PLEKHA6: variants seen among roughly 807,000 people sequenced by gnomAD.
PLEKHA6 encodes pleckstrin homology domain containing A6.
Under a neutral mutation model 116.7 loss-of-function variants are expected in PLEKHA6, and 60 were observed. The observed-to-expected ratio is 0.51, with a 90% confidence interval of 0.42 to 0.64. PLEKHA6 has a LOEUF of 0.64. Among genes scored for constraint, PLEKHA6 ranks in the 30% least tolerant of loss-of-function variants. PLEKHA6 has a pLI of 0.00. For synonymous variants in PLEKHA6, 489 were observed against 556.1 expected, an observed-to-expected ratio of 0.88 and a Z score of 1.70; for missense variants, 1,338 against 1,422.7, an observed-to-expected ratio of 0.94 and a Z score of 0.96.
intron 1 of PLEKHA6, among the ~76,000 whole-genome samples, chr1:204,356,445 T>C (rs1673419141): frequency 6.6e-6 from 1 of 152,002 alleles, no homozygotes; most frequent in Non-Finnish European, 1.5e-5. Flanking sequence ...CATGCACCTG[T>C]AGACCCAGCC....
upstream of PLEKHA6, among the ~76,000 whole-genome samples, chr1:204,363,396 G>T (rs1673596270): frequency 6.6e-6 from 1 of 152,228 alleles, no homozygotes; most frequent in Non-Finnish European, 1.5e-5. Context: ...CCTGGAGGAA[G>T]CTTCCAGAAC....
chr1:204,349,691 TAGGCAA>T lies in PLEKHA6; in HGVS notation c.-95+9997_-95+10002del, dbSNP rs1673211346. ...CTCCAGGACTTGCTGCTTCTGGCCC[TAGGCAA>T]GTCATGAGACTTCTCAGTCTCGTTG... On this transcript the variant is annotated intron_variant, in intron 1 of 22. Coordinates refer to ENST00000272203, the MANE Select transcript of PLEKHA6 (RefSeq NM_014935.5). Among the ~76,000 whole-genome samples, 3 of 152,166 alleles carry T rather than the reference TAGGCAA, an allele frequency of 2.0e-5. No individual in the cohort carries two copies. In the South Asian group the frequency reaches 6.2e-4, roughly 32 times the overall value.
At position 204,261,479 on chromosome 1, in the gene PLEKHA6, C is replaced by T. The variant is rs1666108595; in HGVS notation, c.382-31G>A. The T allele has an allele frequency of 6.3e-7, 1 of 1,579,600 alleles. No individual in the cohort carries two copies. The highest frequency in any genetic ancestry group is 8.6e-7 in the Non-Finnish European group (1 of 1,161,608). On this transcript the variant is annotated intron_variant, in intron 6 of 22. Coordinates refer to ENST00000272203, the MANE Select transcript of PLEKHA6 (RefSeq NM_014935.5). The surrounding 1 kb of genome is among the most constrained non-coding windows in gnomAD (Gnocchi z 4.0). ...GGGAGAGGCAGCGTGTGGAGCTGGCCTCGGCCTCATCCACCCAGCACACAG... is the reference window on the plus strand; with the variant it reads ...GGGAGAGGCAGCGTGTGGAGCTGGCTTCGGCCTCATCCACCCAGCACACAG...
chr1:204,292,041 C>A (rs150428765), intron 1 of PLEKHA6, among the ~76,000 whole-genome samples: 61 of 152,282 alleles, frequency 4.0e-4, no homozygotes, highest in African/African-American at 1.4e-3. Flanking sequence ...TTCCTACTGA[C>A]CTGCTTTAGT....
intron 1 of PLEKHA6, among the ~76,000 whole-genome samples, chr1:204,292,790 T>C (rs571157514): frequency 6.6e-6 from 1 of 152,168 alleles, no homozygotes; most frequent in Non-Finnish European, 1.5e-5. Context: ...CTGATAGAAA[T>C]GAGGGATGCA....
At chr1:204,317,194 T>C (rs1427689481) in intron 1 of PLEKHA6, 14 of 935,736 alleles carry the variant, frequency 1.5e-5, no homozygotes, top group Non-Finnish European at 1.8e-5. Context: ...GAGTTAAGCA[T>C]AGGGTACTGC....
chr1:204,312,360 G>A (rs186723487), intron 1 of PLEKHA6, among the ~76,000 whole-genome samples: 1 of 152,144 alleles, frequency 6.6e-6, no homozygotes, highest in Non-Finnish European at 1.5e-5. Flanking sequence ...GGGTGTTCAG[G>A]CCTTCCTGGG....
At chr1:204,272,769 A>G (rs1421405900) in intron 3 of PLEKHA6, among the ~76,000 whole-genome samples, 1 of 152,206 alleles carries the variant, frequency 6.6e-6, no homozygotes, top group African/African-American at 2.4e-5. Context: ...CATAAGTGAT[A>G]TCATATTTCT....
In PLEKHA6 at chr1:204,245,624, T is replaced by C. The variant is rs1188888852; in HGVS notation, c.2023A>G (p.Lys675Glu). 6.2e-7 allele frequency: 1 copy of C among 1,606,894 alleles called. No homozygotes were observed. Among genetic ancestry groups the C allele is most frequent in the South Asian group, 1.1e-5 (1 of 90,922 alleles). Residue 675 changes from lysine to glutamate, a missense_variant, in exon 14 of 23, where the codon AAG becomes GAG. This residue lies in a region of PLEKHA6 where 1,136 missense variants were observed against 1,163.6 expected (regional missense o/e 0.98). Coordinates refer to ENST00000272203, the MANE Select transcript of PLEKHA6 (RefSeq NM_014935.5). Reference sequence around the variant, plus strand: ...CACAGGAGGCACCCACCTCTGTGCTTGGCGGTGTCCGTGCCCCGGGAGGGG... The same window carrying C: ...CACAGGAGGCACCCACCTCTGTGCTCGGCGGTGTCCGTGCCCCGGGAGGGG... The part of the protein sequence containing the change: ...NNPSRGTDTA[K>E]HRGGLGPSAT...
intron 15 of PLEKHA6, chr1:204,243,359 G>C (rs980818621): frequency 4.8e-5 from 19 of 399,162 alleles, no homozygotes; most frequent in Non-Finnish European, 8.4e-5. Context: ...CAACAACATT[G>C]CTGGAGACCT....
chr1:204,348,111 G>A (rs1290634919), intron 1 of PLEKHA6, among the ~76,000 whole-genome samples: 2 of 152,294 alleles, frequency 1.3e-5, no homozygotes, highest in African/African-American at 2.4e-5. Flanking sequence ...ACCAAGAGCC[G>A]TAAATAACAA....
intron 1 of PLEKHA6, among the ~76,000 whole-genome samples, chr1:204,300,608 G>A (rs1170946556): frequency 6.6e-6 from 1 of 152,182 alleles, no homozygotes; most frequent in Non-Finnish European, 1.5e-5. Context: ...TGTCCAGAAA[G>A]TACCCCCCTA....
chr1:204,302,572 G>C (rs1170666414), intron 1 of PLEKHA6, among the ~76,000 whole-genome samples: 1 of 152,172 alleles, frequency 6.6e-6, no homozygotes, highest in East Asian at 1.9e-4. Flanking sequence ...GGGGACCAGA[G>C]GTGGGCTAAG....
rs773134566 is a variant in PLEKHA6, at chr1:204,259,765, G to A, written c.525-25C>T. The A allele has an allele frequency of 1.3e-6, 2 of 1,588,440 alleles. No homozygotes were observed. Among genetic ancestry groups the A allele is most frequent in the Admixed American group, 1.7e-5 (1 of 58,846 alleles). On this transcript the variant is annotated intron_variant, in intron 7 of 22. Coordinates refer to ENST00000272203, the MANE Select transcript of PLEKHA6 (RefSeq NM_014935.5). This position sits in a 1 kb window ranked among gnomAD's most constrained non-coding sequence, Gnocchi z 4.6. ...GCTGCAGGATGCCAAGGGAGATGCT[G>A]TCAGTGACTCTAGCCCAGCATGGAG... is the stretch of plus-strand genomic sequence containing the variant.
At chr1:204,316,159 G>A (rs1477126884) in intron 1 of PLEKHA6, among the ~76,000 whole-genome samples, 1 of 152,206 alleles carries the variant, frequency 6.6e-6, no homozygotes, top group Non-Finnish European at 1.5e-5. Context: ...GATCTTTGAA[G>A]GCTCACTCCC....
At chr1:204,337,336 T>A (rs1423726740) in intron 1 of PLEKHA6, among the ~76,000 whole-genome samples, 9 of 152,184 alleles carry the variant, frequency 5.9e-5, no homozygotes, top group Non-Finnish European at 1.3e-4. Flanking sequence ...GCAAAAGACA[T>A]AAATTGTAGC....
chr1:204,306,275 T>G (rs922149240), intron 1 of PLEKHA6, among the ~76,000 whole-genome samples: 2 of 152,174 alleles, frequency 1.3e-5, no homozygotes, highest in African/African-American at 2.4e-5. Flanking sequence ...ACTGCTCAGA[T>G]GGCAGCCAGG....
intron 1 of PLEKHA6, among the ~76,000 whole-genome samples, chr1:204,320,966 C>T (rs1230118009): frequency 6.6e-6 from 1 of 152,176 alleles, no homozygotes; most frequent in Non-Finnish European, 1.5e-5. Context: ...AGGCTATTTC[C>T]AAGGGATCTT....
intron 1 of PLEKHA6, among the ~76,000 whole-genome samples, chr1:204,321,574 C>T (rs867276749): frequency 2.4e-4 from 36 of 151,668 alleles, no homozygotes; most frequent in African/African-American, 8.0e-4. Context: ...TCCACCCTAC[C>T]CTTCCCATAC....
Sources: gnomAD v4.1 joint callset for allele counts (sites outside exome capture counted in the v4.1 genomes callset) on GRCh38, gnomAD v4.1.1 for gene constraint, gnomAD v4.1.1 regional missense constraint, Gnocchi (gnomAD v3.1) non-coding constraint, MANE v1.5 for transcripts, NCBI Gene and HGNC (gene_info 2026-07-23, HGNC 2026-07-21) for gene names.